Variants in RAB38 observed in about 807,000 individuals in gnomAD.
RAB38 encodes RAB38, member RAS oncogene family, also known as ras-related protein Rab-38.
RAB38 carries 15 observed loss-of-function variants against 18.4 expected under a neutral mutation model. The observed-to-expected ratio is 0.82, with a 90% CI of 0.55 to 1.26. RAB38 has a LOEUF of 1.26. RAB38 is among the 50% of genes most tolerant of loss of function. RAB38 has a pLI of 0.00. For missense variants in RAB38, 294 were observed against 267.4 expected (o/e 1.10, Z -0.69); for synonymous variants, 101 against 104.4 (o/e 0.97, Z 0.20).
chr11:88,163,475 T>A (rs1181229354), intron 1 of RAB38, among the ~76,000 whole-genome samples: 1 of 152,144 alleles, frequency 6.6e-6, no homozygotes, highest in Non-Finnish European at 1.5e-5. Flanking sequence ...CCAAACTCTT[T>A]TAGCAATTTC....
the RAB38 span, among the ~76,000 whole-genome samples, chr11:87,871,224 G>A: frequency 1.3e-5 from 2 of 151,614 alleles, no homozygotes; most frequent in Non-Finnish European, 3.0e-5. Flanking sequence ...AGGACAAGCT[G>A]TGAAATGCCT....
At chr11:88,150,986 T>TG (rs1943057102) in intron 1 of RAB38, among the ~76,000 whole-genome samples, 1 of 152,166 alleles carries the variant, frequency 6.6e-6, no homozygotes, top group Non-Finnish European at 1.5e-5. Context: ...CTACAACCTA[T>TG]TGGATAAGAA....
intron 1 of RAB38, among the ~76,000 whole-genome samples, chr11:88,151,689 T>G (rs1012847822): frequency 1.3e-5 from 2 of 152,214 alleles, no homozygotes; most frequent in African/African-American, 4.8e-5. Context: ...ACCCTTAATT[T>G]TGAGCTAAAA....
the RAB38 span, among the ~76,000 whole-genome samples, chr11:87,829,398 G>A: frequency 1.3e-5 from 2 of 152,142 alleles, no homozygotes; most frequent in East Asian, 3.9e-4. Flanking sequence ...AATTTATAAA[G>A]AAAAGAGGTT....
At chr11:87,887,656 T>C in the RAB38 span, among the ~76,000 whole-genome samples, 1 of 151,980 alleles carries the variant, frequency 6.6e-6, no homozygotes, top group Non-Finnish European at 1.5e-5. Flanking sequence ...ACATAAAATT[T>C]GGAAGATGAT....
the RAB38 span, among the ~76,000 whole-genome samples, chr11:87,820,921 T>A: frequency 1.3e-5 from 2 of 152,184 alleles, no homozygotes; most frequent in African/African-American, 2.4e-5. Context: ...AGAATATGGT[T>A]CTAAAGAAAT....
the RAB38 span, among the ~76,000 whole-genome samples, chr11:87,829,679 C>T: frequency 3.3e-5 from 5 of 151,976 alleles, no homozygotes; most frequent in African/African-American, 4.8e-5. Flanking sequence ...TTAACTGTAT[C>T]GCCTCTGAAT....
At chr11:88,105,258 C>T in the RAB38 span, among the ~76,000 whole-genome samples, 1 of 152,170 alleles carries the variant, frequency 6.6e-6, no homozygotes, top group African/African-American at 2.4e-5. Context: ...AGCCACTTGT[C>T]ATTATCTTTT....
the RAB38 span, among the ~76,000 whole-genome samples, chr11:87,857,358 T>TAATCCTTTGGATATATACCC: frequency 6.6e-6 from 1 of 152,226 alleles, no homozygotes; most frequent in African/African-American, 2.4e-5. Context: ...GCATGATTTA[T>TAATCCTTTGGATATATACCC]AATCCTTTGG....
chr11:88,045,826 G>A, the RAB38 span, among the ~76,000 whole-genome samples: 1 of 152,074 alleles, frequency 6.6e-6, no homozygotes, highest in Non-Finnish European at 1.5e-5. Context: ...CATAACTGTT[G>A]CGGGTATTGA....
the RAB38 span, among the ~76,000 whole-genome samples, chr11:87,819,066 A>T: frequency 6.6e-6 from 1 of 152,198 alleles, no homozygotes; most frequent in Non-Finnish European, 1.5e-5. Context: ...TGATAGGTAG[A>T]CTGTGTTTGC....
chr11:88,047,834 C>T, the RAB38 span, among the ~76,000 whole-genome samples: 6 of 152,180 alleles, frequency 3.9e-5, no homozygotes, highest in Admixed American at 3.9e-4. Flanking sequence ...GCCACTCCCA[C>T]ATACTCCCCC....
At chr11:88,173,727 G>C (rs909224635) in intron 1 of RAB38, 2 of 985,266 alleles carry the variant, frequency 2.0e-6, no homozygotes, top group African/African-American at 3.5e-5. Flanking sequence ...TTTTTTAGAT[G>C]AAAAGCCCCA....
the RAB38 span, among the ~76,000 whole-genome samples, chr11:87,893,986 AC>A: frequency 1.1e-4 from 17 of 151,622 alleles, no homozygotes; most frequent in African/African-American, 3.9e-4. Context: ...ACTGCATTGA[AC>A]CTGCAGATAA....
the RAB38 span, among the ~76,000 whole-genome samples, chr11:87,886,528 A>G: frequency 6.6e-6 from 1 of 151,938 alleles, no homozygotes; most frequent in Non-Finnish European, 1.5e-5. Flanking sequence ...ACCTGTGGTT[A>G]AGGATTTACC....
the RAB38 span, among the ~76,000 whole-genome samples, chr11:87,938,619 G>GTTTTTTTTT: frequency 1.4e-3 from 140 of 99,800 alleles, no homozygotes; most frequent in African/African-American, 5.9e-3. Flanking sequence ...GCTCTTTTCC[G>GTTTTTTTTT]TTTTTTTTTT....
the RAB38 span, among the ~76,000 whole-genome samples, chr11:88,058,260 A>G: frequency 6.6e-6 from 1 of 152,210 alleles, no homozygotes; most frequent in African/African-American, 2.4e-5. Context: ...AAATCTAGGG[A>G]CATTCCTGCT....
At chr11:87,945,633 T>G in the RAB38 span, among the ~76,000 whole-genome samples, 1 of 152,148 alleles carries the variant, frequency 6.6e-6, no homozygotes, top group Non-Finnish European at 1.5e-5. Flanking sequence ...TCATTCATAG[T>G]ATCATAAAAA....
At chr11:87,880,333 C>T in the RAB38 span, among the ~76,000 whole-genome samples, 2 of 151,682 alleles carry the variant, frequency 1.3e-5, no homozygotes, top group Non-Finnish European at 2.9e-5. Flanking sequence ...CGAGTCCTGG[C>T]CACAACATGC....
Sources: allele counts gnomAD v4.1 joint callset (sites outside exome capture counted in the v4.1 genomes callset), GRCh38; gene constraint gnomAD v4.1.1; transcripts MANE v1.5; gene names NCBI Gene and HGNC (gene_info 2026-07-23, HGNC 2026-07-21).